The following SNX25 variants were observed in gnomAD, a reference collection of about 807,000 sequenced individuals.
SNX25 encodes sorting nexin-25.
In SNX25, 62 loss-of-function variants were observed where a neutral mutation model predicts 113.7. The ratio of observed to expected loss-of-function variants is 0.55; its 90% CI spans 0.44 to 0.67. SNX25 has a LOEUF of 0.67. Among genes scored for constraint, SNX25 ranks in the 30% least tolerant of loss-of-function variants. The pLI, the probability that SNX25 is intolerant of heterozygous loss-of-function variation, is 0.00. For synonymous variants in SNX25, 421 were observed against 436.2 expected (o/e 0.97, Z 0.43); for missense variants, 1,014 against 1,161.0 (o/e 0.87, Z 1.84).
intron 7 of SNX25, among the ~76,000 whole-genome samples, chr4:185,319,513 CTT>C (rs61536964): frequency 2.1e-5 from 3 of 142,938 alleles, no homozygotes; most frequent in African/African-American, 7.7e-5. Context: ...AAAGTCCATT[CTT>C]TTTTTTTTTT....
At chr4:185,260,928 C>G (rs367670969) in intron 3 of SNX25, among the ~76,000 whole-genome samples, 2 of 152,176 alleles carry the variant, frequency 1.3e-5, no homozygotes, top group African/African-American at 2.4e-5. Context: ...CCTCTCCTTT[C>G]GAAGTGTTCA....
At chr4:185,337,091 AT>A (rs531716632) in intron 10 of SNX25, among the ~76,000 whole-genome samples, 7 of 151,898 alleles carry the variant, frequency 4.6e-5, no homozygotes, top group Non-Finnish European at 7.4e-5. Context: ...GATCATGAAG[AT>A]TTTTTTCCCA....
At chr4:185,358,190 T>G (rs1169963300) in intron 16 of SNX25, among the ~76,000 whole-genome samples, 1 of 152,240 alleles carries the variant, frequency 6.6e-6, no homozygotes, top group African/African-American at 2.4e-5. Flanking sequence ...TGTGTAGCAC[T>G]GAAGTGCTAA....
chr4:185,363,357 C>T lies in SNX25; in HGVS notation c.2935-28C>T. On this transcript the variant is annotated intron_variant, in intron 18 of 18. Coordinates refer to ENST00000652585, the MANE Select transcript of SNX25 (RefSeq NM_001378034.2). The surrounding 1 kb of genome is among the most constrained non-coding windows in gnomAD (Gnocchi z 4.2). ...TAAACCCTTGGAGAAAAACATTTTTCCACTTTTTTCCTTCTTTGTTGGTTC... is the reference window on the plus strand; with the variant it reads ...TAAACCCTTGGAGAAAAACATTTTTTCACTTTTTTCCTTCTTTGTTGGTTC... 6.2e-7 allele frequency: 1 copy of T among 1,609,916 alleles called. No individual in the cohort carries two copies. Among genetic ancestry groups the T allele is most frequent in the South Asian group, 1.1e-5 (1 of 90,766 alleles).
chr4:185,262,779 G>A (rs779821004), intron 3 of SNX25, among the ~76,000 whole-genome samples: 5 of 152,182 alleles, frequency 3.3e-5, no homozygotes, highest in Admixed American at 1.3e-4. Context: ...CCAGAGGTAC[G>A]TAGTAGGAAT....
chr4:185,291,140 T>C (rs1366311144), intron 6 of SNX25, among the ~76,000 whole-genome samples: 1 of 150,982 alleles, frequency 6.6e-6, no homozygotes, highest in African/African-American at 2.4e-5. Flanking sequence ...CTGGCCCTGA[T>C]CATTTAAAGG....
chr4:185,218,485 A>G (rs1249329639), intron 1 of SNX25, among the ~76,000 whole-genome samples: 1 of 152,178 alleles, frequency 6.6e-6, no homozygotes, highest in African/African-American at 2.4e-5. Flanking sequence ...GCTTTGGGAG[A>G]AGGCAGCTAG....
At chr4:185,353,356 C>A in intron 14 of SNX25, 129 bp from the exon 15 acceptor site, 2 of 659,566 alleles carry the variant, frequency 3.0e-6, no homozygotes, top group Non-Finnish European at 5.3e-6. Flanking sequence ...GTAGTTTCTG[C>A]ATGAAAACTA....
chr4:185,325,716 C>T (rs2095152695), intron 9 of SNX25, among the ~76,000 whole-genome samples: 1 of 152,138 alleles, frequency 6.6e-6, no homozygotes, highest in Non-Finnish European at 1.5e-5. Flanking sequence ...CCAAGCCCAG[C>T]CATGGATTTG....
At chr4:185,285,939 A>ATT (rs397951411) in intron 5 of SNX25, among the ~76,000 whole-genome samples, 24 of 148,156 alleles carry the variant, frequency 1.6e-4, no homozygotes, top group South Asian at 4.3e-4. Flanking sequence ...TGCCCAGCTA[A>ATT]TTTTTTTTTT....
At chr4:185,252,451 T>C (rs1745804635) in intron 2 of SNX25, among the ~76,000 whole-genome samples, 1 of 152,190 alleles carries the variant, frequency 6.6e-6, no homozygotes, top group East Asian at 1.9e-4. Context: ...AATATACTTG[T>C]TAAGGCTGTA....
intron 2 of SNX25, among the ~76,000 whole-genome samples, chr4:185,256,809 A>G (rs1488234111): frequency 6.6e-6 from 1 of 151,690 alleles, no homozygotes; most frequent in Admixed American, 6.6e-5. Flanking sequence ...TTTTTTGTAG[A>G]GATGGGGTTT....
intron 2 of SNX25, among the ~76,000 whole-genome samples, chr4:185,253,765 A>G (rs1471425486): frequency 1.3e-5 from 2 of 152,200 alleles, no homozygotes; most frequent in Non-Finnish European, 2.9e-5. Flanking sequence ...CACCATGCCC[A>G]GCCTACATAT....
At position 185,369,287 on chromosome 4, in the gene SNX25, C is replaced by T. The variant is rs142826065; in HGVS notation, c.*1005-463C>T. On this transcript the variant is annotated intron_variant and NMD_transcript_variant, in intron 11 of 11. Transcript: ENST00000504959. ...AGGCTGGAGTGCAGTGGTGTGATCT[C>T]GGCTCACTGCAACCTCTGCTCCCAG... Among the ~76,000 whole-genome samples, 872 of 133,832 alleles carry T rather than the reference C, an allele frequency of 6.5e-3. 12 individuals carry two copies. Among genetic ancestry groups the T allele is most frequent in the African/African-American group, 0.023 (813 of 34,798 alleles). 87.8% of individuals were successfully genotyped at this position (133,832 alleles called of 152,430 possible). A position where few individuals can be genotyped will look rare whatever the true frequency, so the allele number is the denominator to read the frequency against.
chr4:185,214,060 T>C (rs3112887), intron 1 of SNX25, among the ~76,000 whole-genome samples: 81,554 of 151,542 alleles, frequency 0.54, 22,158 homozygotes, highest in East Asian at 0.73. Context: ...CTCTCTCTCT[T>C]CTTTTTCCCC....
intron 5 of SNX25, among the ~76,000 whole-genome samples, chr4:185,282,291 A>G (rs1412907506): frequency 6.6e-6 from 1 of 152,014 alleles, no homozygotes; most frequent in East Asian, 1.9e-4. Flanking sequence ...CCTCCCGAGT[A>G]GCTGGGATTG....
chr4:185,375,577 G>C, the SNX25 span: 2 of 1,106,484 alleles, frequency 1.8e-6, no homozygotes. Flanking sequence ...CACTGACAAT[G>C]AAATCTTAAC....
chr4:185,375,815 G>A, the SNX25 span: 2 of 682,882 alleles, frequency 2.9e-6, no homozygotes, highest in Non-Finnish European at 4.8e-6. Flanking sequence ...TTGTGCCCAA[G>A]TTAAACACAC....
chr4:185,346,626 G>A lies in SNX25; in HGVS notation c.2277G>A (p.Lys759=). 6.3e-7 allele frequency: 1 copy of A among 1,581,588 alleles called. No individual in the cohort carries two copies. Among genetic ancestry groups the A allele is most frequent in the Non-Finnish European group, 8.5e-7 (1 of 1,170,420 alleles). The change falls in exon 13 of 19, where the codon AAG becomes AAA. Residue 759 remains lysine, a synonymous_variant. Coordinates refer to ENST00000652585, the MANE Select transcript of SNX25 (RefSeq NM_001378034.2). ...SIDQKFMEKS[K]NQLNKFLQNL... Reference sequence around the variant, plus strand: ...ATCAAAAGTTTATGGAAAAGTCGAAGAATCAATTAAATAAGTTTTTACAGG... The same window carrying A: ...ATCAAAAGTTTATGGAAAAGTCGAAAAATCAATTAAATAAGTTTTTACAGG...
Sources: gnomAD v4.1 joint callset for allele counts (sites outside exome capture counted in the v4.1 genomes callset) on GRCh38, gnomAD v4.1.1 for gene constraint, Gnocchi (gnomAD v3.1) non-coding constraint, MANE v1.5 for transcripts, NCBI Gene and HGNC (gene_info 2026-07-23, HGNC 2026-07-21) for gene names.